The following IL34 variants were observed in gnomAD, a reference collection of about 807,000 sequenced individuals.
IL34 encodes the protein interleukin 34, also known as interleukin-34.
IL34 carries 17 observed loss-of-function variants against 25.3 expected under a neutral mutation model. The observed-to-expected ratio is 0.67, with a 90% CI of 0.46 to 1.01. The LOEUF (loss-of-function observed/expected upper bound fraction) is 1.01, where lower values mean the gene tolerates loss of function less well. Among genes scored for constraint, IL34 ranks in the 50% least tolerant of loss-of-function variants. The pLI, the probability that IL34 is intolerant of heterozygous loss-of-function variation, is 0.00. For missense variants in IL34, 368 were observed against 312.9 expected (o/e 1.18, Z -1.33); for synonymous variants, 174 against 140.9 (o/e 1.23, Z -1.66).
chr16:70,618,314 ACAGT>A (rs1223822235), intron 1 of IL34, among the ~76,000 whole-genome samples: 6 of 152,038 alleles, frequency 3.9e-5, no homozygotes, highest in African/African-American at 1.5e-4. Flanking sequence ...TCTGAGAGAT[ACAGT>A]CATGGGGGTC....
At chr16:70,629,312 G>T (rs1266431833) in intron 1 of IL34, among the ~76,000 whole-genome samples, 2 of 152,106 alleles carry the variant, frequency 1.3e-5, no homozygotes. Context: ...GCAAAATGCT[G>T]GCCTTTATCT....
In IL34 at chr16:70,616,597, C is replaced by T. The variant is rs146157609; in HGVS notation, c.-400-29951C>T. On this transcript the variant is annotated intron_variant, in intron 1 of 6. Transcript: ENST00000429149. ...GAGTCCGAAAAGAGAGTCAGCAAAG[C>T]GTGCTGGATTATCATTAGTTCTTAT... 5.8e-3 allele frequency among the ~76,000 whole-genome samples: 886 copies of T among 152,220 alleles called. 7 individuals carry two copies. The highest frequency in any genetic ancestry group is 0.017 in the Middle Eastern group (5 of 294).
intron 1 of IL34, among the ~76,000 whole-genome samples, chr16:70,634,988 A>C (rs2051610080): frequency 6.6e-6 from 1 of 152,144 alleles, no homozygotes; most frequent in African/African-American, 2.4e-5. Flanking sequence ...TTCTGTTGGC[A>C]GATATTTGGA....
chr16:70,593,031 T>C (rs1043214135), intron 1 of IL34, among the ~76,000 whole-genome samples: 1 of 152,160 alleles, frequency 6.6e-6, no homozygotes, highest in Non-Finnish European at 1.5e-5. Flanking sequence ...TTCACCATAT[T>C]GGCCAGGCTG....
chr16:70,642,595 C>G (rs183734628), upstream of IL34, among the ~76,000 whole-genome samples: 1 of 152,108 alleles, frequency 6.6e-6, no homozygotes, highest in Non-Finnish European at 1.5e-5. Flanking sequence ...TGAGCCCGGC[C>G]TGATTTCTTT....
At chr16:70,604,332 G>T (rs1469040115) in intron 1 of IL34, among the ~76,000 whole-genome samples, 1 of 152,194 alleles carries the variant, frequency 6.6e-6, no homozygotes, top group African/African-American at 2.4e-5. Flanking sequence ...GGGGACCTCT[G>T]CAAACACCCA....
intron 1 of IL34, among the ~76,000 whole-genome samples, chr16:70,626,321 G>T (rs2151843960): frequency 6.6e-6 from 1 of 152,100 alleles, no homozygotes; most frequent in Admixed American, 6.5e-5. Flanking sequence ...AGTCTTTTAT[G>T]GTTTCTGAAT....
At chr16:70,602,508 G>A (rs749366696) in intron 1 of IL34, among the ~76,000 whole-genome samples, 45 of 151,824 alleles carry the variant, frequency 3.0e-4, no homozygotes, top group Non-Finnish European at 5.7e-4. Context: ...ACTCAGGCCT[G>A]GGCAACAGAG....
At chr16:70,629,701 TTC>T (rs2051474983) in intron 1 of IL34, among the ~76,000 whole-genome samples, 2 of 151,974 alleles carry the variant, frequency 1.3e-5, no homozygotes, top group African/African-American at 2.4e-5. Flanking sequence ...CTACATTTTT[TTC>T]TTTTTTTTTT....
intron 1 of IL34, among the ~76,000 whole-genome samples, chr16:70,615,300 A>T (rs1269661877): frequency 6.6e-6 from 1 of 152,120 alleles, no homozygotes; most frequent in Non-Finnish European, 1.5e-5. Flanking sequence ...AGAGGTCAAG[A>T]GATCGAAACC....
intron 1 of IL34, among the ~76,000 whole-genome samples, chr16:70,599,265 GTT>G (rs1491418791): frequency 1.5e-4 from 21 of 139,154 alleles, no homozygotes; most frequent in African/African-American, 5.3e-4. Flanking sequence ...GTCAAGAACT[GTT>G]TCTTTCTTTC....
intron 1 of IL34, among the ~76,000 whole-genome samples, chr16:70,603,901 G>T (rs9924487): frequency 0.15 from 22,140 of 152,132 alleles, 4,171 homozygotes; most frequent in African/African-American, 0.42. Flanking sequence ...TATTGCTGAG[G>T]AGATTCCATC....
At chr16:70,583,433 T>C (rs1397765804) in intron 1 of IL34, among the ~76,000 whole-genome samples, 1 of 152,060 alleles carries the variant, frequency 6.6e-6, no homozygotes, top group East Asian at 1.9e-4. Context: ...TTGAGATGCC[T>C]GTTCTTGCGG....
intron 1 of IL34, among the ~76,000 whole-genome samples, chr16:70,595,213 G>A (rs749612392): frequency 2.0e-5 from 3 of 151,842 alleles, no homozygotes; most frequent in Non-Finnish European, 2.9e-5. Context: ...CGCCCACCTC[G>A]GCCTCCCAAA....
At position 70,584,964 on chromosome 16, in the gene IL34, G is replaced by A. The variant is rs560735181; in HGVS notation, c.-401+4915G>A. Among the ~76,000 whole-genome samples the A allele has an allele frequency of 2.0e-5, 3 of 152,248 alleles. No individual in the cohort carries two copies. In the South Asian group the frequency reaches 6.2e-4, roughly 32 times the overall value. On this transcript the variant is annotated intron_variant, in intron 1 of 6. Transcript: ENST00000429149. ...AATCTGCCCGCTTTGGTGTCTCAAA[G>A]TGCTGGGATTACAGGTGTGAGCCAC...
intron 1 of IL34, among the ~76,000 whole-genome samples, chr16:70,617,767 C>G (rs2051195872): frequency 6.6e-6 from 1 of 152,034 alleles, no homozygotes; most frequent in Non-Finnish European, 1.5e-5. Flanking sequence ...TACTAAGAGC[C>G]TGAAAAACTG....
chr16:70,659,503 A>T, intron 4 of IL34, 115 bp from the exon 5 acceptor site: 1 of 1,310,048 alleles, frequency 7.6e-7, no homozygotes, highest in Non-Finnish European at 1.0e-6. Context: ...TGGTCACAGG[A>T]AGTCTGGTCC....
chr16:70,592,486 G>C (rs2050767520), intron 1 of IL34, among the ~76,000 whole-genome samples: 1 of 152,112 alleles, frequency 6.6e-6, no homozygotes, highest in African/African-American at 2.4e-5. Context: ...AATCCCCAGA[G>C]GAGGAAGCTT....
chr16:70,618,317 G>C (rs572793569), intron 1 of IL34, among the ~76,000 whole-genome samples: 1 of 152,030 alleles, frequency 6.6e-6, no homozygotes, highest in Non-Finnish European at 1.5e-5. Context: ...GAGAGATACA[G>C]TCATGGGGGT....
Sources: allele counts gnomAD v4.1 joint callset (sites outside exome capture counted in the v4.1 genomes callset), GRCh38; gene constraint gnomAD v4.1.1; transcripts MANE v1.5; gene names NCBI Gene and HGNC (gene_info 2026-07-23, HGNC 2026-07-21).